The following MYO3B variants were observed in gnomAD, a reference collection of about 807,000 sequenced individuals.
MYO3B encodes myosin-IIIb.
MYO3B carries 156 observed loss-of-function variants against 174.6 expected under a neutral mutation model. That is an observed-to-expected ratio of 0.89 (90% CI 0.78 to 1.02). The LOEUF (loss-of-function observed/expected upper bound fraction) is 1.02, where lower values mean the gene tolerates loss of function less well. Among genes scored for constraint, MYO3B ranks in the 50% least tolerant of loss-of-function variants. MYO3B has a pLI of 0.00. For missense variants in MYO3B, 1,632 were observed against 1,639.4 expected, an observed-to-expected ratio of 1.00 and a Z score of 0.08; for synonymous variants, 563 against 569.1, an observed-to-expected ratio of 0.99 and a Z score of 0.15.
intron 30 of MYO3B, among the ~76,000 whole-genome samples, chr2:170,530,905 C>T (rs1689313922): frequency 1.3e-5 from 2 of 152,208 alleles, no homozygotes; most frequent in East Asian, 3.9e-4. Flanking sequence ...GTGGAAGCCA[C>T]AGCCTTGTCT....
chr2:170,410,319 A>G (rs1006109688), intron 22 of MYO3B, among the ~76,000 whole-genome samples: 2 of 152,102 alleles, frequency 1.3e-5, no homozygotes, highest in Non-Finnish European at 2.9e-5. Context: ...TAATCCCAGC[A>G]CTTTGGGAGG....
intron 30 of MYO3B, among the ~76,000 whole-genome samples, chr2:170,539,326 G>T (rs893817856): frequency 6.6e-6 from 1 of 152,116 alleles, no homozygotes; most frequent in Admixed American, 6.5e-5. Context: ...GACTTAATCC[G>T]ATTTAAGTTA....
intron 7 of MYO3B, among the ~76,000 whole-genome samples, chr2:170,253,152 A>C (rs1169938406): frequency 1.3e-5 from 2 of 152,144 alleles, no homozygotes; most frequent in Admixed American, 1.3e-4. Context: ...AGAAGCAGAG[A>C]CTCAAGGTAA....
intron 8 of MYO3B, among the ~76,000 whole-genome samples, chr2:170,365,684 C>G (rs769726440): frequency 2.0e-5 from 3 of 152,152 alleles, no homozygotes; most frequent in Non-Finnish European, 4.4e-5. Context: ...TCTTCATGCC[C>G]TTTCCCTAAA....
chr2:170,306,930 G>T lies in MYO3B; in HGVS notation c.750-28455G>T, dbSNP rs556962952. 6.6e-5 allele frequency among the ~76,000 whole-genome samples: 10 copies of T among 152,164 alleles called. No individual in the cohort carries two copies. The East Asian group carries it at 1.3e-3, about 21-fold the overall frequency. ...TTAATTTCTTTTTACAAGTAGCTTTGTATGTTCTCAGGCATATGGAAATGG... is the reference window on the plus strand; with the variant it reads ...TTAATTTCTTTTTACAAGTAGCTTTTTATGTTCTCAGGCATATGGAAATGG... On this transcript the variant is annotated intron_variant, in intron 7 of 34. Transcript: ENST00000408978.
chr2:170,423,353 C>G (rs2094633631), intron 22 of MYO3B, among the ~76,000 whole-genome samples: 1 of 152,100 alleles, frequency 6.6e-6, no homozygotes, highest in Admixed American at 6.6e-5. Context: ...ATCGCTGCAT[C>G]GGCCACAGAA....
chr2:170,490,952 C>CT (rs758614497), intron 25 of MYO3B, among the ~76,000 whole-genome samples: 1 of 151,904 alleles, frequency 6.6e-6, no homozygotes, highest in East Asian at 1.9e-4. Flanking sequence ...CTTTTCCTTT[C>CT]TTTTTTTCTG....
At chr2:170,350,251 G>A (rs116686076) in intron 8 of MYO3B, 2,755 of 151,936 alleles carry the variant, frequency 0.018, 35 homozygotes, top group Non-Finnish European at 0.031. Context: ...TGCCCGCCTC[G>A]ACCTCCCAAA....
chr2:170,194,350 A>T (rs774209409), intron 1 of MYO3B, among the ~76,000 whole-genome samples: 1 of 151,936 alleles, frequency 6.6e-6, no homozygotes, highest in Non-Finnish European at 1.5e-5. Context: ...CAAAAAATAA[A>T]AATATTTAGC....
chr2:170,232,769 C>G (rs1157956023), intron 6 of MYO3B, among the ~76,000 whole-genome samples: 2 of 152,158 alleles, frequency 1.3e-5, no homozygotes, highest in Non-Finnish European at 2.9e-5. Context: ...CTTCCCAGGG[C>G]CTACTATCAT....
At chr2:170,358,436 T>C (rs574330663) in intron 8 of MYO3B, among the ~76,000 whole-genome samples, 1 of 151,534 alleles carries the variant, frequency 6.6e-6, no homozygotes, top group Non-Finnish European at 1.5e-5. Flanking sequence ...GTTGAGGGAG[T>C]ATAGGGTGTG....
rs559086883 is a variant in MYO3B at position 170,537,448 on chromosome 2, A to ATTTTTTTTT, written c.3576-5433_3576-5425dup. 3.7e-3 allele frequency among the ~76,000 whole-genome samples: 205 copies of ATTTTTTTTT among 54,828 alleles called. 47 individuals carry two copies. The highest frequency in any genetic ancestry group is 0.014 in the African/African-American group (176 of 12,286). The allele number at this position is 54,828 out of a possible 152,430, so 36.0% of individuals were successfully genotyped here. ...ACCTTCTCTTATTAAGAGCTCTTTG[A>ATTTTTTTTT]TTTTTTTTTTTTTTTTTTTTTTTTT... On this transcript the variant is annotated intron_variant, in intron 30 of 34. Transcript: ENST00000408978.
chr2:170,220,021 G>A (rs1052191759), intron 6 of MYO3B, among the ~76,000 whole-genome samples: 5 of 152,210 alleles, frequency 3.3e-5, no homozygotes, highest in African/African-American at 1.2e-4. Flanking sequence ...CACTTTGGGA[G>A]GCCAAGGTGG....
At chr2:170,520,500 T>C (rs767380091) in intron 30 of MYO3B, among the ~76,000 whole-genome samples, 6 of 151,388 alleles carry the variant, frequency 4.0e-5, no homozygotes, top group Non-Finnish European at 7.4e-5. Context: ...CACACATATA[T>C]ACACACACAC....
intron 29 of MYO3B, among the ~76,000 whole-genome samples, chr2:170,515,592 C>G (rs1688254976): frequency 6.6e-6 from 1 of 152,050 alleles, no homozygotes; most frequent in Non-Finnish European, 1.5e-5. Flanking sequence ...GGTTTTCAAA[C>G]ATTTTTAAAA....
chr2:170,184,754 A>G (rs1208653957), intron 1 of MYO3B, among the ~76,000 whole-genome samples: 11 of 152,092 alleles, frequency 7.2e-5, no homozygotes, highest in Admixed American at 7.2e-4. Flanking sequence ...TTTTTTGAAG[A>G]ACCTCCATAC....
chr2:170,443,190 A>G (rs2094815081), intron 22 of MYO3B, among the ~76,000 whole-genome samples: 1 of 152,190 alleles, frequency 6.6e-6, no homozygotes, highest in African/African-American at 2.4e-5. Flanking sequence ...CGCCATTCTA[A>G]CTGGCGTGAG....
chr2:170,219,554 G>T (rs939474441), intron 6 of MYO3B, among the ~76,000 whole-genome samples: 14 of 151,970 alleles, frequency 9.2e-5, no homozygotes, highest in African/African-American at 2.2e-4. Context: ...TGAGGCAGGA[G>T]AATTGTTTGA....
chr2:170,183,765 T>C (rs1212736440), intron 1 of MYO3B, among the ~76,000 whole-genome samples: 17 of 152,200 alleles, frequency 1.1e-4, no homozygotes, highest in Non-Finnish European at 2.5e-4. Context: ...TGATTTTTAT[T>C]AGCAATGGTT....
Sources: allele counts gnomAD v4.1 joint callset (sites outside exome capture counted in the v4.1 genomes callset), GRCh38; gene constraint gnomAD v4.1.1; transcripts MANE v1.5; gene names NCBI Gene and HGNC (gene_info 2026-07-23, HGNC 2026-07-21).